Variants in IL5RA observed in about 807,000 individuals in gnomAD.
IL5RA encodes interleukin 5 receptor subunit alpha, also known as interleukin-5 receptor subunit alpha.
Under a neutral mutation model 50.0 loss-of-function variants are expected in IL5RA, and 49 were observed. The ratio of observed to expected loss-of-function variants is 0.98; its 90% confidence interval spans 0.78 to 1.24. The LOEUF (loss-of-function observed/expected upper bound fraction) is 1.24. IL5RA is among the 50% of genes most tolerant of loss of function. IL5RA has a pLI of 0.00. For missense variants in IL5RA, 600 were observed against 500.4 expected, an observed-to-expected ratio of 1.20 and a Z score of -1.90; for synonymous variants, 202 against 174.0, an observed-to-expected ratio of 1.16 and a Z score of -1.26.
At position 3,084,218 on chromosome 3, in the gene IL5RA, G is replaced by A. The variant is rs953690533; in HGVS notation, c.995-7591C>T. On this transcript the variant is annotated intron_variant, in intron 9 of 11. Coordinates refer to ENST00000446632, the MANE Select transcript of IL5RA (RefSeq NM_175726.4). Reference sequence around the variant, plus strand: ...TGCTTAGCACAGTGCTGGTACACAGGTGCTCAATAAATATTACTTACTATA... The same window carrying A: ...TGCTTAGCACAGTGCTGGTACACAGATGCTCAATAAATATTACTTACTATA... Among the ~76,000 whole-genome samples, 4 of 152,156 alleles carry A rather than the reference G, an allele frequency of 2.6e-5. No homozygotes were observed. The South Asian group carries it at 8.3e-4, about 32-fold the overall frequency.
At chr3:3,085,251 G>A (rs1559866125) in intron 9 of IL5RA, among the ~76,000 whole-genome samples, 1 of 152,166 alleles carries the variant, frequency 6.6e-6, no homozygotes, top group African/African-American at 2.4e-5. Flanking sequence ...TGTTGTTATT[G>A]GGTCAACTCT....
At chr3:3,071,552 AGTGTGTGTGTGTGTGTGTGTGTGTGTGT>A (rs55736610) in intron 11 of IL5RA, among the ~76,000 whole-genome samples, 16 of 136,046 alleles carry the variant, frequency 1.2e-4, no homozygotes, top group African/African-American at 2.0e-4. Context: ...CTTCCTTCAC[AGTGTGTGTGTGTGTGTGTGTGTGTGTGT>A]GTGTGTGTGT....
intron 3 of IL5RA, among the ~76,000 whole-genome samples, chr3:3,103,791 GTT>G (rs34122523): frequency 6.6e-6 from 1 of 151,976 alleles, no homozygotes; most frequent in African/African-American, 2.4e-5. Flanking sequence ...TATTCGTTAT[GTT>G]TTTTTCTGGG....
chr3:3,084,802 C>T (rs148637234), intron 9 of IL5RA, among the ~76,000 whole-genome samples: 17 of 152,370 alleles, frequency 1.1e-4, no homozygotes, highest in African/African-American at 4.1e-4. Context: ...TCTGTTTTCT[C>T]ACCTGTGTGA....
At chr3:3,100,264 C>T (rs1332150314) in intron 5 of IL5RA, among the ~76,000 whole-genome samples, 1 of 152,238 alleles carries the variant, frequency 6.6e-6, no homozygotes, top group South Asian at 2.1e-4. Context: ...CAGTGTCTTT[C>T]AAGAAGCAGA....
At chr3:3,103,256 C>A (rs1227452197) in intron 3 of IL5RA, among the ~76,000 whole-genome samples, 1 of 152,126 alleles carries the variant, frequency 6.6e-6, no homozygotes, top group East Asian at 1.9e-4. Flanking sequence ...ACCTATAATA[C>A]CTATATTTTT....
intron 5 of IL5RA, 23 bp from the exon 6 acceptor site, chr3:3,098,313 G>C: frequency 6.2e-7 from 1 of 1,607,890 alleles, no homozygotes; most frequent in Non-Finnish European, 8.5e-7. Flanking sequence ...AAGTAAAAAG[G>C]ACAAAACATT....
At position 3,098,117 on chromosome 3, in the gene IL5RA, AAAATAGGTACAG is replaced by A. The variant is rs758218902; in HGVS notation, c.521+8_521+19del. Reference sequence around the variant, plus strand: ...CAGGAAACAACCATTTGCCTAAGTAAAAATAGGTACAGTACTAACCTATAGTAGAGAAAATAC... The same window carrying A: ...CAGGAAACAACCATTTGCCTAAGTAATACTAACCTATAGTAGAGAAAATAC... On this transcript the variant is annotated splice_region_variant and intron_variant, in intron 6 of 11. Coordinates refer to ENST00000446632, the MANE Select transcript of IL5RA (RefSeq NM_175726.4). 4.3e-6 allele frequency: 7 copies of A among 1,614,108 alleles called. No homozygotes were observed. The highest frequency in any genetic ancestry group is 5.1e-6 in the Non-Finnish European group (6 of 1,179,950).
intron 10 of IL5RA, among the ~76,000 whole-genome samples, chr3:3,076,304 G>A (rs889275599): frequency 3.8e-5 from 5 of 131,646 alleles, no homozygotes; most frequent in Admixed American, 1.5e-4. Context: ...AGGAGTGAGT[G>A]ATAGCTGAGG....
intron 9 of IL5RA, chr3:3,091,866 C>T (rs943549974): frequency 2.1e-6 from 1 of 480,020 alleles, no homozygotes; most frequent in African/African-American, 2.1e-5. Flanking sequence ...TTGAGGAAAA[C>T]TGGATGAAAG....
intron 9 of IL5RA, among the ~76,000 whole-genome samples, chr3:3,080,229 G>T (rs185381981): frequency 3.3e-5 from 5 of 152,184 alleles, no homozygotes; most frequent in Admixed American, 3.3e-4. Context: ...AGTGCTTCAC[G>T]TACTTTCTCG....
At chr3:3,078,464 GAAT>G (rs1238057533) in intron 9 of IL5RA, among the ~76,000 whole-genome samples, 1 of 152,056 alleles carries the variant, frequency 6.6e-6, no homozygotes, top group East Asian at 1.9e-4. Context: ...CCTTCATCTT[GAAT>G]AAGCCATGAC....
At position 3,095,392 on chromosome 3, in the gene IL5RA, G is replaced by A. The variant is rs147741728; in HGVS notation, c.762C>T (p.Leu254=). The change falls in exon 8 of 12, where the codon CTC becomes CTT. Residue 254 remains leucine, a synonymous_variant. Coordinates refer to ENST00000446632, the MANE Select transcript of IL5RA (RefSeq NM_175726.4). ...ACACTGGTTTCTCCCATTGGATAGA[G>A]AGACGAGTTCCTTCAATCTCTGCTG... The part of the protein sequence containing the change: ...NVTAEIEGTR[L]SIQWEKPVSA... 1.6e-5 allele frequency: 26 copies of A among 1,611,982 alleles called. No individual in the cohort carries two copies. In the African/African-American group the frequency reaches 2.9e-4, roughly 18 times the overall value.
intron 5 of IL5RA, among the ~76,000 whole-genome samples, chr3:3,101,286 C>T (rs889035783): frequency 1.2e-4 from 18 of 152,060 alleles, no homozygotes; most frequent in African/African-American, 1.9e-4. Flanking sequence ...ACAAAATAGT[C>T]GTTTGAAAAT....
chr3:3,086,331 C>T (rs1357859864), intron 9 of IL5RA, among the ~76,000 whole-genome samples: 1 of 152,176 alleles, frequency 6.6e-6, no homozygotes, highest in Non-Finnish European at 1.5e-5. Context: ...CTTGAGAAAA[C>T]ACACAGCTTC....
rs13097407 is a variant in IL5RA, at chr3:3,102,835, A to G, written c.83-15T>C. The G allele has an allele frequency of 0.073, 116,318 of 1,590,668 alleles. 5,105 individuals are homozygous for G. The highest frequency in any genetic ancestry group is 0.19 in the Admixed American group (10,523 of 54,134). Reference sequence around the variant, plus strand: ...GAGAAGTGAAACTGTTGATTCAAAGAATAAAGAAACAACACAATGTTCAAC... The same window carrying G: ...GAGAAGTGAAACTGTTGATTCAAAGGATAAAGAAACAACACAATGTTCAAC... On this transcript the variant is annotated splice_polypyrimidine_tract_variant and intron_variant, in intron 3 of 11. Coordinates refer to ENST00000446632, the MANE Select transcript of IL5RA (RefSeq NM_175726.4).
intron 3 of IL5RA, among the ~76,000 whole-genome samples, chr3:3,104,646 C>T (rs1703817399): frequency 6.6e-6 from 1 of 152,176 alleles, no homozygotes; most frequent in Admixed American, 6.5e-5. Context: ...CCACTGGCGC[C>T]AGCTTTATTC....
chr3:3,074,496 T>C (rs1702409865), intron 11 of IL5RA, among the ~76,000 whole-genome samples: 1 of 152,270 alleles, frequency 6.6e-6, no homozygotes, highest in East Asian at 1.9e-4. Flanking sequence ...CAAGCAGGCA[T>C]GGTGGCATGC....
In IL5RA at chr3:3,092,231, A is replaced by G; in HGVS notation, c.987T>C (p.Ile329=). 1 of 1,613,156 alleles carries G rather than the reference A, an allele frequency of 6.2e-7. No homozygotes were observed. The highest frequency in any genetic ancestry group is 1.1e-5 in the South Asian group (1 of 90,800). Residue 329 remains isoleucine, a synonymous_variant, in exon 9 of 12, where the codon ATT becomes ATC. Transcript: ENST00000446632. The surrounding 1 kb of genome is among the most constrained non-coding windows in gnomAD (Gnocchi z 4.2). Reference sequence around the variant, plus strand: ...TAAACATAAGCTACTTACCCACATAAATAGGTTGGCTCCACTCACTCCAGA... The same window carrying G: ...TAAACATAAGCTACTTACCCACATAGATAGGTTGGCTCCACTCACTCCAGA... The part of the protein sequence containing the change: ...AGLWSEWSQP[I]YVGNDEHKPL...
Sources: gnomAD v4.1 joint callset for allele counts (sites outside exome capture counted in the v4.1 genomes callset) on GRCh38, gnomAD v4.1.1 for gene constraint, Gnocchi (gnomAD v3.1) non-coding constraint, MANE v1.5 for transcripts, NCBI Gene and HGNC (gene_info 2026-07-23, HGNC 2026-07-21) for gene names.